Variants in TRPC4 observed in about 807,000 individuals in gnomAD.
The protein encoded by TRPC4 is short transient receptor potential channel 4.
In TRPC4, 49 loss-of-function variants were observed where a neutral mutation model predicts 99.4. That is an observed-to-expected ratio of 0.49 (90% CI 0.39 to 0.63). TRPC4 has a LOEUF of 0.63. Ranked by LOEUF, TRPC4 falls within the 20% of genes least tolerant of loss-of-function variation. The pLI is 0.00. For missense variants in TRPC4, 898 were observed against 1,152.9 expected, an observed-to-expected ratio of 0.78 and a Z score of 3.20; for synonymous variants, 454 against 425.9, an observed-to-expected ratio of 1.07 and a Z score of -0.81.
At chr13:37,777,573 A>C (rs1956741407) in intron 2 of TRPC4, among the ~76,000 whole-genome samples, 1 of 150,082 alleles carries the variant, frequency 6.7e-6, no homozygotes, top group Non-Finnish European at 1.5e-5. Context: ...ACACCATATC[A>C]ACAATGGTGG....
chr13:37,848,384 C>A (rs1268810393), intron 1 of TRPC4, among the ~76,000 whole-genome samples: 1 of 152,086 alleles, frequency 6.6e-6, no homozygotes, highest in Admixed American at 6.6e-5. Flanking sequence ...TGTATACCAA[C>A]TGCTATCACA....
Position 37,655,193 on chromosome 13 carries a change from A to C in TRPC4, c.1779T>G (p.Thr593=). Reference sequence around the variant, plus strand: ...CAAACATGGTGGCACCAACAAACTCAGTAAATTCATGCTGTGCTTTGACAT... The same window carrying C: ...CAAACATGGTGGCACCAACAAACTCCGTAAATTCATGCTGTGCTTTGACAT... ...VTNVKAQHEF[T]EFVGATMFGT... Residue 593 remains threonine (T), a synonymous_variant, in exon 7 of 11, where the codon ACT becomes ACG. Coordinates refer to ENST00000379705, the MANE Select transcript of TRPC4 (RefSeq NM_016179.4). 6.2e-7 allele frequency: 1 copy of C among 1,609,416 alleles called. No individual in the cohort carries two copies. The highest frequency in any genetic ancestry group is 8.5e-7 in the Non-Finnish European group (1 of 1,177,320).
chr13:37,862,873 C>T (rs985587650), intron 1 of TRPC4, among the ~76,000 whole-genome samples: 8 of 151,238 alleles, frequency 5.3e-5, no homozygotes, highest in Non-Finnish European at 8.9e-5. Context: ...TACACAGTCA[C>T]GCATCACATA....
At chr13:37,711,514 G>T (rs4617713) in intron 3 of TRPC4, among the ~76,000 whole-genome samples, 70,338 of 151,598 alleles carry the variant, frequency 0.46, 16,556 homozygotes, top group Non-Finnish European at 0.48. Context: ...TTTATTCCCT[G>T]TGCTCCCAGA....
intron 2 of TRPC4, 68 bp downstream of exon 2, chr13:37,782,885 AAAG>A (rs1321383146): frequency 0.014 from 16,250 of 1,180,148 alleles, 30 homozygotes; most frequent in East Asian, 0.018. Context: ...AAAAAAAAAA[AAAG>A]AAAGAAAAGA....
chr13:37,815,242 C>A (rs919516470), intron 1 of TRPC4, among the ~76,000 whole-genome samples: 1 of 151,690 alleles, frequency 6.6e-6, no homozygotes, highest in African/African-American at 2.4e-5. Flanking sequence ...TAATGACACA[C>A]TGATACAATC....
chr13:37,842,706 C>T (rs545170354), intron 1 of TRPC4, among the ~76,000 whole-genome samples: 39 of 152,248 alleles, frequency 2.6e-4, no homozygotes, highest in Admixed American at 5.2e-4. Context: ...TAAGGGTAGA[C>T]CCCTCATGAC....
intron 1 of TRPC4, among the ~76,000 whole-genome samples, chr13:37,829,325 A>G (rs899774374): frequency 6.6e-6 from 1 of 152,254 alleles, no homozygotes; most frequent in African/African-American, 2.4e-5. Flanking sequence ...ACATTTCTCT[A>G]AAGATTATAA....
intron 3 of TRPC4, among the ~76,000 whole-genome samples, chr13:37,695,781 C>T (rs776237093): frequency 5.9e-5 from 9 of 152,064 alleles, no homozygotes; most frequent in Non-Finnish European, 1.3e-4. Context: ...ATTGAAGACA[C>T]TATGAAAACT....
intron 3 of TRPC4, among the ~76,000 whole-genome samples, chr13:37,734,191 C>T (rs1033434193): frequency 6.6e-6 from 1 of 152,170 alleles, no homozygotes; most frequent in Non-Finnish European, 1.5e-5. Context: ...TATTTTTCCA[C>T]TGAAACTCAA....
chr13:37,673,709 G>C (rs1952942552), intron 5 of TRPC4, among the ~76,000 whole-genome samples: 1 of 152,134 alleles, frequency 6.6e-6, no homozygotes, highest in Non-Finnish European at 1.5e-5. Flanking sequence ...GAGTGTGTGA[G>C]ATTTCAGGCA....
intron 6 of TRPC4, among the ~76,000 whole-genome samples, chr13:37,659,200 T>C (rs1184251458): frequency 5.3e-5 from 8 of 151,942 alleles, no homozygotes; most frequent in Middle Eastern, 3.4e-3. Context: ...GGATTGTGGG[T>C]TGCTCACAAA....
intron 8 of TRPC4, among the ~76,000 whole-genome samples, chr13:37,645,157 T>C (rs1243041381): frequency 6.6e-6 from 1 of 151,990 alleles, no homozygotes; most frequent in Non-Finnish European, 1.5e-5. Flanking sequence ...GGCATACCTG[T>C]TGCCACATTA....
In TRPC4 at chr13:37,735,999, GA is replaced by G. The variant is rs570562848; in HGVS notation, c.897+9937del. On this transcript the variant is annotated intron_variant, in intron 3 of 10. Coordinates refer to ENST00000379705, the MANE Select transcript of TRPC4 (RefSeq NM_016179.4). ...CACAATTTCAAATTTAACTGTGGGG[GA>G]AAAAAACACTTTCAGTTAGGAATTA... Among the ~76,000 whole-genome samples, 455 of 151,990 alleles carry G rather than the reference GA, an allele frequency of 3.0e-3. 1 individual carries two copies. The highest frequency in any genetic ancestry group is 9.4e-3 in the African/African-American group (388 of 41,486).
chr13:37,727,257 G>T (rs1476322970), intron 3 of TRPC4, among the ~76,000 whole-genome samples: 2 of 152,020 alleles, frequency 1.3e-5, no homozygotes, highest in Non-Finnish European at 2.9e-5. Context: ...AGAGGATGAA[G>T]TTGGAAGTCA....
intron 2 of TRPC4, among the ~76,000 whole-genome samples, chr13:37,752,992 G>GCA (rs527774572): frequency 0.019 from 2,685 of 140,316 alleles, 43 homozygotes; most frequent in Non-Finnish European, 0.03. Flanking sequence ...ACACACACAC[G>GCA]CACACACACA....
intron 5 of TRPC4, among the ~76,000 whole-genome samples, chr13:37,665,180 A>C (rs998970812): frequency 6.6e-6 from 1 of 152,178 alleles, no homozygotes; most frequent in Non-Finnish European, 1.5e-5. Flanking sequence ...TCCTTCAAAG[A>C]CCAAGATCAC....
At chr13:37,639,760 T>A (rs1233146641) in intron 8 of TRPC4, among the ~76,000 whole-genome samples, 2 of 150,774 alleles carry the variant, frequency 1.3e-5, no homozygotes, top group South Asian at 2.1e-4. Flanking sequence ...TATATATATA[T>A]AATATCAATC....
intron 2 of TRPC4, among the ~76,000 whole-genome samples, chr13:37,753,443 G>T (rs1955991601): frequency 6.6e-6 from 1 of 151,882 alleles, no homozygotes; most frequent in Non-Finnish European, 1.5e-5. Context: ...TGAAATGGTT[G>T]GAGGCAGGTA....
Sources: allele counts gnomAD v4.1 joint callset (sites outside exome capture counted in the v4.1 genomes callset), GRCh38; gene constraint gnomAD v4.1.1; transcripts MANE v1.5; gene names NCBI Gene and HGNC (gene_info 2026-07-23, HGNC 2026-07-21).